The following ADCY1 variants were observed in gnomAD, a reference collection of about 807,000 sequenced individuals.
ADCY1 encodes adenylate cyclase type 1.
Under a neutral mutation model 105.4 loss-of-function variants are expected in ADCY1, and 28 were observed. The observed-to-expected ratio is 0.27, with a 90% CI of 0.20 to 0.36. The LOEUF is 0.36. Among genes scored for constraint, ADCY1 ranks in the 10% least tolerant of loss-of-function variants. The pLI is 1.00. For synonymous variants in ADCY1, 655 were observed against 623.8 expected (o/e 1.05, Z -0.75); for missense variants, 977 against 1,434.2 (o/e 0.68, Z 5.15).
At chr7:45,711,873 TAA>T (rs1406351616) in intron 19 of ADCY1, among the ~76,000 whole-genome samples, 1 of 117,942 alleles carries the variant, frequency 8.5e-6, no homozygotes, top group South Asian at 2.4e-4. Flanking sequence ...TAATATATAT[TAA>T]ATATATAAAT....
At chr7:45,713,630 G>A in intron 19 of ADCY1, 63 bp from the exon 20 acceptor site, 1 of 730,514 alleles carries the variant, frequency 1.4e-6, no homozygotes, top group South Asian at 1.5e-5. Context: ...GAGTGTTTTG[G>A]TCTCTTCCCA....
At chr7:45,711,644 TAC>T (rs1554333220) in intron 19 of ADCY1, among the ~76,000 whole-genome samples, 330 of 51,114 alleles carry the variant, frequency 6.5e-3, no homozygotes, top group Middle Eastern at 0.019. Context: ...TATATATATA[TAC>T]ACACACACAC....
intron 2 of ADCY1, among the ~76,000 whole-genome samples, chr7:45,596,684 G>A (rs1446058411): frequency 2.0e-5 from 3 of 152,184 alleles, no homozygotes; most frequent in Admixed American, 2.0e-4. Flanking sequence ...GGGGAGGCCT[G>A]TGGGCAGACT....
chr7:45,666,585 C>T (rs981558887), intron 8 of ADCY1, among the ~76,000 whole-genome samples: 3 of 152,220 alleles, frequency 2.0e-5, no homozygotes, highest in Non-Finnish European at 4.4e-5. Context: ...CCGCAATAAA[C>T]ATACGTGTGC....
intron 1 of ADCY1, 139 bp from the exon 2 acceptor site, chr7:45,592,620 G>A: frequency 1.7e-6 from 2 of 1,159,414 alleles, no homozygotes; most frequent in Non-Finnish European, 2.5e-6. Flanking sequence ...GACTCCCTGT[G>A]TCCCTGGCCC....
chr7:45,623,757 C>T (rs1400315225), intron 4 of ADCY1, among the ~76,000 whole-genome samples: 1 of 152,210 alleles, frequency 6.6e-6, no homozygotes, highest in Non-Finnish European at 1.5e-5. Flanking sequence ...GGGTCGGCTT[C>T]TGCAGACAAC....
At chr7:45,654,011 A>G (rs1014606159) in intron 5 of ADCY1, among the ~76,000 whole-genome samples, 11 of 152,190 alleles carry the variant, frequency 7.2e-5, no homozygotes, top group African/African-American at 2.2e-4. Flanking sequence ...TTTGCAGTAA[A>G]ATGGAGAAAC....
intron 3 of ADCY1, among the ~76,000 whole-genome samples, chr7:45,611,953 G>A (rs554861131): frequency 2.4e-4 from 36 of 152,246 alleles, no homozygotes; most frequent in Non-Finnish European, 7.4e-5. Context: ...CCACAGACTG[G>A]GTCCCTGCAA....
intron 4 of ADCY1, among the ~76,000 whole-genome samples, chr7:45,643,111 G>C (rs1794569154): frequency 7.6e-6 from 1 of 131,100 alleles, no homozygotes; most frequent in African/African-American, 2.9e-5. Flanking sequence ...TCTGTTTTCT[G>C]TCTTTTTTTT....
At chr7:45,582,098 A>C (rs923014812) in intron 1 of ADCY1, among the ~76,000 whole-genome samples, 2 of 152,038 alleles carry the variant, frequency 1.3e-5, no homozygotes, top group African/African-American at 4.8e-5. Context: ...ATGCTCACCC[A>C]CTTATAGATT....
chr7:45,592,720 A>G, intron 1 of ADCY1, 39 bp from the exon 2 acceptor site: 1 of 1,612,586 alleles, frequency 6.2e-7, no homozygotes, highest in Non-Finnish European at 8.5e-7. Flanking sequence ...TGTGTGTGGG[A>G]TGTCAGGCTC....
chr7:45,575,783 C>T lies in ADCY1; in HGVS notation c.639+601C>T, dbSNP rs189331207. Among the ~76,000 whole-genome samples the T allele has an allele frequency of 3.2e-3, 495 of 152,390 alleles. 3 individuals are homozygous for T. Among genetic ancestry groups the T allele is most frequent in the African/African-American group, 0.011 (476 of 41,594 alleles). ...TTGCCAAGGTCAAACACAGTCTAGTCCCTGCCGCTGCCACTCGGCGGTTGC... is the reference window on the plus strand; with the variant it reads ...TTGCCAAGGTCAAACACAGTCTAGTTCCTGCCGCTGCCACTCGGCGGTTGC... On this transcript the variant is annotated intron_variant, in intron 1 of 19. Transcript: ENST00000297323. The surrounding 1 kb of genome is among the most constrained non-coding windows in gnomAD (Gnocchi z 4.7).
chr7:45,592,650 G>C, intron 1 of ADCY1, 109 bp from the exon 2 acceptor site: 1 of 1,488,092 alleles, frequency 6.7e-7, no homozygotes, highest in South Asian at 1.3e-5. Flanking sequence ...GGTTTGGCCC[G>C]GGCGGCGTGG....
chr7:45,657,010 G>A (rs1284478746), intron 5 of ADCY1, among the ~76,000 whole-genome samples: 2 of 152,336 alleles, frequency 1.3e-5, no homozygotes, highest in East Asian at 3.9e-4. Context: ...ACCCAAATTC[G>A]GCCAGGCTGG....
chr7:45,714,555 C>T lies in ADCY1; in HGVS notation c.*560C>T, dbSNP rs58151560. On this transcript the variant is annotated 3_prime_UTR_variant, in exon 20 of 20. Coordinates refer to ENST00000297323, the MANE Select transcript of ADCY1 (RefSeq NM_021116.4). ...GTCACAAGGCCTGGGGTTGTTCACA[C>T]CACAGGCACAATACAGAGCTGTCCA... The T allele has an allele frequency of 0.12, 19,312 of 157,100 alleles. 1,603 individuals are homozygous for T. Among genetic ancestry groups the T allele is most frequent in the East Asian group, 0.33 (1,767 of 5,282 alleles). The allele number at this position is 157,100 out of a possible 1,614,324, so 9.7% of individuals were successfully genotyped here. A position where few individuals can be genotyped will look rare whatever the true frequency, so the allele number is the denominator to read the frequency against.
chr7:45,640,950 G>C (rs1210150780), intron 4 of ADCY1, among the ~76,000 whole-genome samples: 1 of 152,102 alleles, frequency 6.6e-6, no homozygotes, highest in Admixed American at 6.5e-5. Context: ...AGGGGTCCCT[G>C]CTCTATCTCA....
At chr7:45,643,785 C>T (rs1239595681) in intron 4 of ADCY1, among the ~76,000 whole-genome samples, 2 of 152,100 alleles carry the variant, frequency 1.3e-5, no homozygotes, top group African/African-American at 4.8e-5. Context: ...TTCCCCTTGC[C>T]CCTCCATGGT....
chr7:45,577,571 C>T (rs1212603678), intron 1 of ADCY1, among the ~76,000 whole-genome samples: 1 of 152,236 alleles, frequency 6.6e-6, no homozygotes, highest in East Asian at 1.9e-4. Context: ...CAGACCTGTG[C>T]CACTGTGCAG....
intron 7 of ADCY1, 63 bp downstream of exon 7, chr7:45,660,246 C>T (rs1326700915): frequency 1.9e-6 from 3 of 1,589,248 alleles, no homozygotes; most frequent in Non-Finnish European, 2.6e-6. Context: ...CAGAGCTTTA[C>T]AGATGTGACT....
Sources: allele counts gnomAD v4.1 joint callset (sites outside exome capture counted in the v4.1 genomes callset), GRCh38; gene constraint gnomAD v4.1.1; non-coding constraint Gnocchi (gnomAD v3.1); transcripts MANE v1.5; gene names NCBI Gene and HGNC (gene_info 2026-07-23, HGNC 2026-07-21).